NRP1: variants seen among roughly 807,000 people sequenced by gnomAD.
The protein encoded by NRP1 is neuropilin 1.
A neutral mutation model predicts 106.7 loss-of-function variants in NRP1; 35 were observed. The ratio of observed to expected loss-of-function variants is 0.33; its 90% CI spans 0.25 to 0.43. The LOEUF is 0.43. Ranked by LOEUF, NRP1 falls within the 20% of genes least tolerant of loss-of-function variation. The probability of loss-of-function intolerance (pLI) is 1.00; values close to 1 mark genes in which losing one functional copy is unlikely to be tolerated. For synonymous variants in NRP1, 437 were observed against 417.9 expected (o/e 1.05, Z -0.56); for missense variants, 1,024 against 1,170.4 (o/e 0.87, Z 1.83).
In NRP1 at chr10:33,258,577, T is replaced by G. The variant is rs553887214; in HGVS notation, c.659-2106A>C. ...TAGCTTTGCATTATGGAAGCAAATT[T>G]TGTTATATTCGACTTCTCAGTTGGC... On this transcript the variant is annotated intron_variant, in intron 4 of 16. Coordinates refer to ENST00000374867, the MANE Select transcript of NRP1 (RefSeq NM_003873.7). 1.2e-4 allele frequency among the ~76,000 whole-genome samples: 18 copies of G among 152,324 alleles called. No homozygotes were observed. The South Asian group carries it at 3.5e-3, about 30-fold the overall frequency.
intron 15 of NRP1, among the ~76,000 whole-genome samples, chr10:33,183,322 A>G (rs1400011554): frequency 6.6e-6 from 1 of 151,622 alleles, no homozygotes; most frequent in Non-Finnish European, 1.5e-5. Flanking sequence ...AGCAAAAACA[A>G]CAACAACAAA....
intron 9 of NRP1, chr10:33,211,374 A>G (rs1382473594): frequency 6.6e-6 from 1 of 152,190 alleles, no homozygotes; most frequent in East Asian, 1.9e-4. Context: ...GTCAGAGCTC[A>G]CTGCTTCTCA....
intron 6 of NRP1, among the ~76,000 whole-genome samples, chr10:33,238,905 C>CTGTGTG (rs34194923): frequency 0.13 from 19,227 of 148,612 alleles, 1,418 homozygotes; most frequent in Admixed American, 0.23. Context: ...GTGGGTGCCT[C>CTGTGTG]TGTGTGTGTG....
intron 6 of NRP1, among the ~76,000 whole-genome samples, chr10:33,244,559 C>T (rs1395695929): frequency 6.6e-6 from 1 of 152,200 alleles, no homozygotes; most frequent in Non-Finnish European, 1.5e-5. Context: ...AAACCATCAA[C>T]TTTGCCTCCT....
chr10:33,295,894 C>A (rs777435601), intron 2 of NRP1, among the ~76,000 whole-genome samples: 9 of 152,148 alleles, frequency 5.9e-5, no homozygotes, highest in Non-Finnish European at 8.8e-5. Flanking sequence ...AAGTTAATAA[C>A]AAGCAAAGCC....
chr10:33,332,816 A>G (rs907172900), intron 1 of NRP1, among the ~76,000 whole-genome samples: 1 of 152,174 alleles, frequency 6.6e-6, no homozygotes, highest in African/African-American at 2.4e-5. Context: ...TTTTGCTGGT[A>G]AAGCTCAACA....
At chr10:33,216,140 C>CTTTTT (rs71521489) in intron 8 of NRP1, among the ~76,000 whole-genome samples, 13 of 139,032 alleles carry the variant, frequency 9.4e-5, no homozygotes, top group Non-Finnish European at 1.7e-4. Context: ...TTCTTTCTTT[C>CTTTTT]TTTTTTTTTT....
intron 4 of NRP1, among the ~76,000 whole-genome samples, chr10:33,258,740 A>C (rs922784495): frequency 2.6e-5 from 4 of 152,164 alleles, no homozygotes; most frequent in Non-Finnish European, 5.9e-5. Context: ...TGGCCCTAGT[A>C]GTAATGCAAC....
intron 13 of NRP1, among the ~76,000 whole-genome samples, chr10:33,191,619 C>A (rs1223130970): frequency 6.6e-6 from 1 of 152,158 alleles, no homozygotes; most frequent in African/African-American, 2.4e-5. Flanking sequence ...ATAGAGAATT[C>A]ATTCTACTAT....
At chr10:33,271,295 C>A (rs986948493) in intron 2 of NRP1, among the ~76,000 whole-genome samples, 1 of 152,156 alleles carries the variant, frequency 6.6e-6, no homozygotes, top group African/African-American at 2.4e-5. Context: ...TCTCTATGAA[C>A]AATACTTTGA....
At chr10:33,211,240 A>G (rs1838279109) in intron 9 of NRP1, 1 of 152,224 alleles carries the variant, frequency 6.6e-6, no homozygotes, top group Non-Finnish European at 1.5e-5. Flanking sequence ...TCAAAAGCAT[A>G]TGGTGACTTG....
At chr10:33,215,014 T>G (rs1027594469) in intron 8 of NRP1, among the ~76,000 whole-genome samples, 25 of 152,236 alleles carry the variant, frequency 1.6e-4, no homozygotes, top group African/African-American at 6.0e-4. Flanking sequence ...TTTTATGTTA[T>G]GTATATTTTA....
In NRP1 at chr10:33,323,165, C is replaced by T. The variant is rs138681237; in HGVS notation, c.248+7543G>A. Among the ~76,000 whole-genome samples, 10 of 152,070 alleles carry T rather than the reference C, an allele frequency of 6.6e-5. No homozygotes were observed. In the South Asian group the frequency reaches 8.3e-4, roughly 13 times the overall value. On this transcript the variant is annotated intron_variant, in intron 2 of 16. Transcript: ENST00000374867. ...CAGAGAATGGCTTACCTCAGGAGTT[C>T]GAGACCAGCCTGGGCAACATAGTGA... is the stretch of plus-strand genomic sequence containing the variant.
chr10:33,315,775 G>A (rs1846985683), intron 2 of NRP1, among the ~76,000 whole-genome samples: 1 of 152,218 alleles, frequency 6.6e-6, no homozygotes, highest in Non-Finnish European at 1.5e-5. Flanking sequence ...CATGAAGGAA[G>A]CATCATTTCA....
chr10:33,299,516 C>A (rs1165276390), intron 2 of NRP1, among the ~76,000 whole-genome samples: 1 of 152,186 alleles, frequency 6.6e-6, no homozygotes, highest in Non-Finnish European at 1.5e-5. Context: ...TGGTGGCTCA[C>A]ACCTGTAATG....
At chr10:33,198,715 A>G (rs1836990274) in intron 11 of NRP1, among the ~76,000 whole-genome samples, 2 of 152,024 alleles carry the variant, frequency 1.3e-5, no homozygotes, top group South Asian at 4.2e-4. Context: ...TAGTCCCCAC[A>G]ATCTATTTTA....
intron 4 of NRP1, among the ~76,000 whole-genome samples, chr10:33,256,908 G>A (rs1369256716): frequency 6.6e-6 from 1 of 152,136 alleles, no homozygotes; most frequent in Non-Finnish European, 1.5e-5. Context: ...GAGATTCTGG[G>A]GATGCTGATG....
intron 6 of NRP1, among the ~76,000 whole-genome samples, chr10:33,235,866 A>G (rs1840513590): frequency 1.3e-5 from 2 of 152,230 alleles, no homozygotes; most frequent in Admixed American, 1.3e-4. Flanking sequence ...TTTTTAAGAC[A>G]TACGCCGACC....
At chr10:33,322,430 T>A (rs1438213875) in intron 2 of NRP1, among the ~76,000 whole-genome samples, 1 of 152,104 alleles carries the variant, frequency 6.6e-6, no homozygotes, top group African/African-American at 2.4e-5. Context: ...GAAGCTGGAG[T>A]GCAGTGGCAA....
Sources: gnomAD v4.1 joint callset for allele counts (sites outside exome capture counted in the v4.1 genomes callset) on GRCh38, gnomAD v4.1.1 for gene constraint, MANE v1.5 for transcripts, NCBI Gene and HGNC (gene_info 2026-07-23, HGNC 2026-07-21) for gene names.